The following BRMS1L variants were observed in gnomAD, a reference collection of about 807,000 sequenced individuals.
BRMS1L encodes the protein BRMS1 like transcriptional repressor, also known as breast cancer metastasis-suppressor 1-like protein.
A neutral mutation model predicts 50.3 loss-of-function variants in BRMS1L; 23 were observed. That is an observed-to-expected ratio of 0.46 (90% CI 0.33 to 0.65). The LOEUF is 0.65. Ranked by LOEUF, BRMS1L falls within the 30% of genes least tolerant of loss-of-function variation. The probability of loss-of-function intolerance (pLI) is 0.02; values close to 1 mark genes in which losing one functional copy is unlikely to be tolerated. For synonymous variants in BRMS1L, 114 were observed against 126.9 expected (o/e 0.90, Z 0.69); for missense variants, 286 against 386.1 (o/e 0.74, Z 2.17).
At chr14:35,860,353 G>A (rs906563689) in intron 4 of BRMS1L, among the ~76,000 whole-genome samples, 2 of 151,894 alleles carry the variant, frequency 1.3e-5, no homozygotes, top group Non-Finnish European at 2.9e-5. Context: ...GGCCAGGCTG[G>A]TTTTGAACTC....
At chr14:35,864,053 A>G (rs898966962) in intron 6 of BRMS1L, 100 bp downstream of exon 6, 2 of 879,790 alleles carry the variant, frequency 2.3e-6, no homozygotes, top group African/African-American at 1.7e-5. Flanking sequence ...CTTTATTTGC[A>G]TGATCCTGTA....
intron 4 of BRMS1L, among the ~76,000 whole-genome samples, chr14:35,857,281 ATGTG>A (rs553372278): frequency 1.4e-5 from 2 of 143,068 alleles, no homozygotes; most frequent in African/African-American, 2.6e-5. Flanking sequence ...ATACATATAT[ATGTG>A]TGTGTGTGTG....
chr14:35,863,974 TG>T (rs2078387019), intron 6 of BRMS1L, 21 bp downstream of exon 6: 1 of 1,604,044 alleles, frequency 6.2e-7, no homozygotes, highest in Admixed American at 1.7e-5. Context: ...CCAAATTTTC[TG>T]TTTTTTTTTC....
rs1027226075 is a variant in BRMS1L at position 35,871,692 on chromosome 14, G to A, written c.*1215G>A. The A allele has an allele frequency of 3.9e-5, 6 of 152,582 alleles. No homozygotes were observed. The highest frequency in any genetic ancestry group is 2.1e-4 in the South Asian group (1 of 4,828). The allele number at this position is 152,582 out of a possible 1,614,324, so 9.5% of individuals were successfully genotyped here. On this transcript the variant is annotated 3_prime_UTR_variant, in exon 10 of 10. Coordinates refer to ENST00000216807, the MANE Select transcript of BRMS1L (RefSeq NM_032352.4). ...ACTGCAGAAATGTCTGCATTATTCC[G>A]TTTGTTTTCTTATTATTTTACCTCT...
At chr14:35,842,581 C>A (rs1393042031) in intron 4 of BRMS1L, among the ~76,000 whole-genome samples, 1 of 152,212 alleles carries the variant, frequency 6.6e-6, no homozygotes, top group Non-Finnish European at 1.5e-5. Context: ...TGTGGGTAAT[C>A]TGACCTTTCT....
chr14:35,832,564 G>A (rs949413586), intron 2 of BRMS1L, among the ~76,000 whole-genome samples: 3 of 151,538 alleles, frequency 2.0e-5, no homozygotes, highest in African/African-American at 7.3e-5. Context: ...TTTCAGGAAC[G>A]GTAGAGAGAA....
chr14:35,849,911 C>G (rs139804763), intron 4 of BRMS1L, among the ~76,000 whole-genome samples: 1 of 151,214 alleles, frequency 6.6e-6, no homozygotes, highest in African/African-American at 2.4e-5. Context: ...CTTCTGTCTC[C>G]CGGGATCAAG....
intron 4 of BRMS1L, among the ~76,000 whole-genome samples, chr14:35,836,224 T>G (rs2077990793): frequency 6.6e-6 from 1 of 152,254 alleles, no homozygotes; most frequent in Admixed American, 6.5e-5. Flanking sequence ...TTGTATGCTT[T>G]GCAAATCTTT....
chr14:35,846,427 A>G (rs956919871), intron 4 of BRMS1L, among the ~76,000 whole-genome samples: 1 of 151,672 alleles, frequency 6.6e-6, no homozygotes, highest in Non-Finnish European at 1.5e-5. Context: ...AAATCAGACC[A>G]CATGTTGTCA....
intron 4 of BRMS1L, among the ~76,000 whole-genome samples, chr14:35,858,013 TAAA>T (rs776957122): frequency 1.7e-5 from 2 of 115,938 alleles, no homozygotes; most frequent in African/African-American, 3.2e-5. Flanking sequence ...TCAAGAAAAG[TAAA>T]AAAAAAAAAA....
intron 4 of BRMS1L, among the ~76,000 whole-genome samples, chr14:35,841,195 G>T (rs1246190245): frequency 6.6e-6 from 1 of 152,056 alleles, no homozygotes. Context: ...TTCTAATTTA[G>T]CTGCACTGTG....
At chr14:35,832,930 C>T in intron 2 of BRMS1L, 48 bp from the exon 3 acceptor site, 1 of 1,518,970 alleles carries the variant, frequency 6.6e-7, no homozygotes, top group Non-Finnish European at 9.0e-7. Context: ...AAATTGTTAG[C>T]CTTTGTTGAG....
intron 4 of BRMS1L, among the ~76,000 whole-genome samples, chr14:35,842,601 C>T (rs1000037687): frequency 6.6e-6 from 1 of 152,110 alleles, no homozygotes; most frequent in Non-Finnish European, 1.5e-5. Context: ...TCTCTGGCTG[C>T]CCTTAACATT....
Position 35,862,605 on chromosome 14 carries a change from C to G in BRMS1L, c.457C>G (p.Leu153Val). Residue 153 changes from leucine to valine, a missense_variant, in exon 5 of 10, where the codon CTA becomes GTA. By Grantham distance (32) the Leu-to-Val change is conservative (BLOSUM62 1). Coordinates refer to ENST00000216807, the MANE Select transcript of BRMS1L (RefSeq NM_032352.4). ...RQHCESEKLL[L>V]YDTVQSELEE... ...TTCTCCCCAGAGCGAAAAGCTGTTG[C>G]TATATGATACAGTCCAGAGTGAACT... 6.3e-7 allele frequency: 1 copy of G among 1,592,168 alleles called. No homozygotes were observed. The highest frequency in any genetic ancestry group is 1.2e-5 in the South Asian group (1 of 85,928).
intron 8 of BRMS1L, among the ~76,000 whole-genome samples, chr14:35,867,543 G>T (rs566414769): frequency 6.6e-6 from 1 of 152,068 alleles, no homozygotes; most frequent in Non-Finnish European, 1.5e-5. Context: ...TCAGATGCCC[G>T]CAGGGGAAAA....
chr14:35,870,575 T>C lies in BRMS1L; in HGVS notation c.*98T>C. ...GTATTCAATAACTTAATATTCTCACTGAATCATGAGAGAATGTGTATTTGT... is the reference window on the plus strand; with the variant it reads ...GTATTCAATAACTTAATATTCTCACCGAATCATGAGAGAATGTGTATTTGT... On this transcript the variant is annotated 3_prime_UTR_variant, in exon 10 of 10. Coordinates refer to ENST00000216807, the MANE Select transcript of BRMS1L (RefSeq NM_032352.4). 1.4e-6 allele frequency: 1 copy of C among 691,142 alleles called. No individual in the cohort carries two copies. The highest frequency in any genetic ancestry group is 2.5e-6 in the Non-Finnish European group (1 of 395,952). The allele number at this position is 691,142 out of a possible 1,614,324, so 42.8% of individuals were successfully genotyped here. A position where few individuals can be genotyped will look rare whatever the true frequency, so the allele number is the denominator to read the frequency against.
intron 3 of BRMS1L, 76 bp downstream of exon 3, chr14:35,833,181 G>T: frequency 7.1e-7 from 1 of 1,418,306 alleles, no homozygotes; most frequent in Non-Finnish European, 9.6e-7. Context: ...TATCAAGTAA[G>T]TGTTTTATGT....
intron 4 of BRMS1L, among the ~76,000 whole-genome samples, chr14:35,841,539 T>C (rs1288289351): frequency 1.3e-5 from 2 of 152,114 alleles, no homozygotes; most frequent in Non-Finnish European, 2.9e-5. Context: ...CCTCGTGATC[T>C]GCCCGCCTTG....
At chr14:35,844,169 T>C (rs2078101926) in intron 4 of BRMS1L, among the ~76,000 whole-genome samples, 1 of 152,180 alleles carries the variant, frequency 6.6e-6, no homozygotes, top group African/African-American at 2.4e-5. Flanking sequence ...GCTCCATGGC[T>C]TCAGCCTCTT....
Sources: allele counts gnomAD v4.1 joint callset (sites outside exome capture counted in the v4.1 genomes callset), GRCh38; gene constraint gnomAD v4.1.1; transcripts MANE v1.5; gene names NCBI Gene and HGNC (gene_info 2026-07-23, HGNC 2026-07-21).